The following PTPN22 variants were observed in gnomAD, a reference collection of about 807,000 sequenced individuals.
PTPN22 encodes tyrosine-protein phosphatase non-receptor type 22.
PTPN22 carries 85 observed loss-of-function variants against 103.3 expected under a neutral mutation model. The ratio of observed to expected loss-of-function variants is 0.82; its 90% confidence interval spans 0.69 to 0.99. The LOEUF is 0.99. Among genes scored for constraint, PTPN22 ranks in the 50% least tolerant of loss-of-function variants. The probability of loss-of-function intolerance (pLI) is 0.00; values close to 1 mark genes in which losing one functional copy is unlikely to be tolerated. For missense variants in PTPN22, 865 were observed against 936.9 expected, an observed-to-expected ratio of 0.92 and a Z score of 1.00; for synonymous variants, 323 against 310.2, an observed-to-expected ratio of 1.04 and a Z score of -0.43.
chr1:113,823,246 T>A (rs1399405130), intron 19 of PTPN22: 1 of 152,164 alleles, frequency 6.6e-6, no homozygotes, highest in Non-Finnish European at 1.5e-5. Flanking sequence ...AAATATTCAT[T>A]GAATGAATGA....
chr1:113,854,517 C>CA lies in PTPN22; in HGVS notation c.703_704insT (p.Gly235ValfsTer7). Reference sequence around the variant, plus strand: ...TGTATAATCAATAGCACAAATAACACCAGTCCTTCCACAGCCAGCACTGAA... The same window carrying CA: ...TGTATAATCAATAGCACAAATAACACACAGTCCTTCCACAGCCAGCACTGAA... On this transcript the variant is annotated frameshift_variant, in exon 9 of 21. Transcript: ENST00000359785. LOFTEE classifies it high-confidence loss of function. The CA allele has an allele frequency of 6.2e-7, 1 of 1,613,854 alleles. No homozygotes were observed. The highest frequency in any genetic ancestry group is 1.7e-5 in the Admixed American group (1 of 60,010).
exon 10 of PTPN22, chr1:113,852,027 C>T (rs768984918): frequency 1.3e-6 from 2 of 1,599,936 alleles, no homozygotes; most frequent in South Asian, 2.2e-5. Flanking sequence ...TAGTTCATAC[C>T]TGCGTTTGAA....
chr1:113,826,831 G>T (rs1475576880), intron 18 of PTPN22, among the ~76,000 whole-genome samples: 2 of 150,698 alleles, frequency 1.3e-5, no homozygotes, highest in Non-Finnish European at 3.0e-5. Flanking sequence ...CACTACGCCC[G>T]GCTAATTTTT....
intron 13 of PTPN22, among the ~76,000 whole-genome samples, chr1:113,837,178 G>A (rs1264774746): frequency 3.9e-5 from 6 of 152,082 alleles, no homozygotes; most frequent in African/African-American, 7.2e-5. Flanking sequence ...CAGGCTAGGC[G>A]TGGTGGCTCA....
At chr1:113,853,602 G>A (rs942301144) in intron 9 of PTPN22, among the ~76,000 whole-genome samples, 6 of 151,440 alleles carry the variant, frequency 4.0e-5, no homozygotes, top group African/African-American at 9.7e-5. Flanking sequence ...AGCCTGCCTC[G>A]GCCTCCCAAA....
At chr1:113,841,970 T>C (rs569131306) in intron 11 of PTPN22, among the ~76,000 whole-genome samples, 8 of 152,104 alleles carry the variant, frequency 5.3e-5, no homozygotes, top group African/African-American at 1.9e-4. Context: ...CTGGGGAGTT[T>C]GAGATGGGAG....
At chr1:113,818,012 A>G (rs570755055) in intron 20 of PTPN22, among the ~76,000 whole-genome samples, 1 of 145,572 alleles carries the variant, frequency 6.9e-6, no homozygotes, top group East Asian at 2.1e-4. Flanking sequence ...CTGGTCTTCA[A>G]CTCCTGGGCT....
At chr1:113,856,526 T>C in intron 6 of PTPN22, 22 bp downstream of exon 6, 2 of 1,614,172 alleles carry the variant, frequency 1.2e-6, no homozygotes, top group Non-Finnish European at 1.7e-6. Flanking sequence ...TACTCAGACA[T>C]GAGAACAGAC....
chr1:113,841,878 C>T (rs913814919), intron 11 of PTPN22, among the ~76,000 whole-genome samples: 4 of 152,248 alleles, frequency 2.6e-5, no homozygotes, highest in African/African-American at 9.6e-5. Context: ...GCTGGGATTA[C>T]AGGCGTGAGC....
At chr1:113,829,638 G>A in exon 18 of PTPN22, 1 of 1,609,100 alleles carries the variant, frequency 6.2e-7, no homozygotes, top group East Asian at 2.2e-5. Flanking sequence ...TGTCTGTTTT[G>A]AAGATGTTGA....
At chr1:113,838,865 T>G (rs1663262075) in intron 11 of PTPN22, among the ~76,000 whole-genome samples, 1 of 152,192 alleles carries the variant, frequency 6.6e-6, no homozygotes, top group South Asian at 2.1e-4. Context: ...CATCATCTTT[T>G]CAAATGTGGG....
chr1:113,863,721 C>T (rs1665829674), intron 1 of PTPN22, among the ~76,000 whole-genome samples: 1 of 151,944 alleles, frequency 6.6e-6, no homozygotes, highest in South Asian at 2.1e-4. Context: ...GTATCTATGT[C>T]TCCTTTATAG....
chr1:113,835,674 T>C (rs1032371919), intron 13 of PTPN22, among the ~76,000 whole-genome samples: 7 of 152,164 alleles, frequency 4.6e-5, no homozygotes, highest in African/African-American at 1.7e-4. Context: ...AATAAAACAT[T>C]ATAAAGTGCT....
rs567623761 is a variant in PTPN22 at position 113,848,735 on chromosome 1, A to T, written c.829-109T>A. On this transcript the variant is annotated intron_variant, in intron 10 of 20. Transcript: ENST00000359785. ...CACCAATCAAATCCTAATATAGCAG[A>T]CCCAAAAGGACGATCGGCATGTTAT... 1.4e-5 allele frequency: 13 copies of T among 938,306 alleles called. No homozygotes were observed. The Middle Eastern group carries it at 6.7e-4, about 48-fold the overall frequency. The allele number at this position is 938,306 out of a possible 1,614,324, so 58.1% of individuals were successfully genotyped here.
intron 10 of PTPN22, among the ~76,000 whole-genome samples, chr1:113,849,543 CT>C (rs1259842315): frequency 1.3e-5 from 2 of 151,812 alleles, no homozygotes; most frequent in Non-Finnish European, 2.9e-5. Flanking sequence ...AATGCAGAGT[CT>C]ATATCATTCA....
chr1:113,850,084 C>T (rs905351034), intron 10 of PTPN22, among the ~76,000 whole-genome samples: 1 of 152,036 alleles, frequency 6.6e-6, no homozygotes, highest in Non-Finnish European at 1.5e-5. Context: ...GGAGTCCCAC[C>T]TACTCGGGAG....
chr1:113,857,794 T>C lies in PTPN22; in HGVS notation c.370-18A>G, dbSNP rs758388370. ...ACAATGATCTGGGGGATGAAATAGA[T>C]AGAAACTTAAACATTCATATATAGT... On this transcript the variant is annotated intron_variant, in intron 4 of 20. Coordinates refer to ENST00000359785, the Ensembl canonical transcript of PTPN22. 2.5e-6 allele frequency: 4 copies of C among 1,603,868 alleles called. No individual in the cohort carries two copies. The highest frequency in any genetic ancestry group is 3.4e-6 in the Non-Finnish European group (4 of 1,173,686).
chr1:113,858,424 G>A (rs1462234064), intron 4 of PTPN22, 54 bp downstream of exon 4: 32 of 1,310,984 alleles, frequency 2.4e-5, no homozygotes, highest in Non-Finnish European at 3.2e-6. Flanking sequence ...TTTTTTAAAA[G>A]CACTGTTTTT....
intron 5 of PTPN22, chr1:113,856,929 A>G (rs1461824911): frequency 3.9e-6 from 1 of 253,434 alleles, no homozygotes; most frequent in Non-Finnish European, 7.7e-6. Context: ...TAAGTGAAAT[A>G]CCTAGTTCCC....
Sources: gnomAD v4.1 joint callset for allele counts (sites outside exome capture counted in the v4.1 genomes callset) on GRCh38, gnomAD v4.1.1 for gene constraint, MANE v1.5 for transcripts, NCBI Gene and HGNC (gene_info 2026-07-23, HGNC 2026-07-21) for gene names.